The following SH3GL2 variants were observed in gnomAD, a reference collection of about 807,000 sequenced individuals.
The protein encoded by SH3GL2 is SH3 domain containing GRB2 like 2, endophilin A1, also known as endophilin-A1.
Under a neutral mutation model 46.0 loss-of-function variants are expected in SH3GL2, and 24 were observed. That is an observed-to-expected ratio of 0.52 (90% CI 0.38 to 0.73). The LOEUF (loss-of-function observed/expected upper bound fraction) is 0.73. Ranked by LOEUF, SH3GL2 falls within the 30% of genes least tolerant of loss-of-function variation. The pLI is 0.00. For synonymous variants in SH3GL2, 196 were observed against 147.1 expected, an observed-to-expected ratio of 1.33 and a Z score of -2.40; for missense variants, 413 against 424.2, an observed-to-expected ratio of 0.97 and a Z score of 0.23.
rs1472663035 is a variant in SH3GL2 at position 17,743,412 on chromosome 9, TAA to T, written c.46-3653_46-3652del. Among the ~76,000 whole-genome samples, 60 of 109,182 alleles carry T rather than the reference TAA, an allele frequency of 5.5e-4. 3 individuals are homozygous for T. In the Admixed American group the frequency reaches 6.1e-3, roughly 11 times the overall value. The allele number at this position is 109,182 out of a possible 152,430, so 71.6% of individuals were successfully genotyped here. A position where few individuals can be genotyped will look rare whatever the true frequency, so the allele number is the denominator to read the frequency against. The stretch of plus-strand genomic sequence containing the variant: ...TATAAGTGTATCAGTACATAACTGC[TAA>T]TAACATCATTCGCTATATTTGGTGA... On this transcript the variant is annotated intron_variant, in intron 1 of 8. Transcript: ENST00000380607.
chr9:17,743,811 C>T (rs1822602504), intron 1 of SH3GL2, among the ~76,000 whole-genome samples: 1 of 152,062 alleles, frequency 6.6e-6, no homozygotes, highest in South Asian at 2.1e-4. Flanking sequence ...TGATGTAGGC[C>T]CTTGTGCTTT....
intron 3 of SH3GL2, among the ~76,000 whole-genome samples, chr9:17,773,663 A>G (rs1303744910): frequency 6.6e-6 from 1 of 152,126 alleles, no homozygotes. Context: ...CCCTTGGCCT[A>G]CATGTCTGTC....
chr9:17,715,194 CTTT>C (rs554919094), intron 1 of SH3GL2, among the ~76,000 whole-genome samples: 2 of 128,930 alleles, frequency 1.6e-5, no homozygotes, highest in Admixed American at 7.7e-5. Context: ...TCTTTCTTTT[CTTT>C]TTTTTTTTTT....
At chr9:17,649,550 T>C (rs1228674043) in intron 1 of SH3GL2, among the ~76,000 whole-genome samples, 3 of 152,214 alleles carry the variant, frequency 2.0e-5, no homozygotes, top group African/African-American at 4.8e-5. Flanking sequence ...AAAAGGGCAT[T>C]GGTAAATACC....
At chr9:17,780,283 A>G (rs1823764511) in intron 3 of SH3GL2, among the ~76,000 whole-genome samples, 1 of 152,124 alleles carries the variant, frequency 6.6e-6, no homozygotes, top group Non-Finnish European at 1.5e-5. Context: ...TGTAACTGAA[A>G]TATGATCATA....
chr9:17,708,674 A>G (rs569378715), intron 1 of SH3GL2, among the ~76,000 whole-genome samples: 1 of 151,954 alleles, frequency 6.6e-6, no homozygotes, highest in Non-Finnish European at 1.5e-5. Context: ...GGCTAAGATA[A>G]TGCCTCTTGT....
chr9:17,621,263 AG>A (rs1819132231), intron 1 of SH3GL2, among the ~76,000 whole-genome samples: 1 of 152,208 alleles, frequency 6.6e-6, no homozygotes, highest in Non-Finnish European at 1.5e-5. Context: ...TTTGATATGC[AG>A]GATTATTTCT....
At chr9:17,767,399 A>G (rs1399195629) in intron 3 of SH3GL2, among the ~76,000 whole-genome samples, 1 of 152,222 alleles carries the variant, frequency 6.6e-6, no homozygotes, top group Non-Finnish European at 1.5e-5. Context: ...TTCTTTTCCC[A>G]CAGGCTGTGC....
At chr9:17,601,534 T>A (rs1303388791) in intron 1 of SH3GL2, among the ~76,000 whole-genome samples, 1 of 152,220 alleles carries the variant, frequency 6.6e-6, no homozygotes, top group East Asian at 1.9e-4. Flanking sequence ...GTGCATAATT[T>A]CCTTTTGTCC....
intron 1 of SH3GL2, among the ~76,000 whole-genome samples, chr9:17,639,287 A>C (rs1819616811): frequency 6.6e-6 from 1 of 152,218 alleles, no homozygotes; most frequent in African/African-American, 2.4e-5. Flanking sequence ...AACTGGGAGA[A>C]AATATTGTAA....
chr9:17,748,703 A>G (rs1172422180), intron 2 of SH3GL2, among the ~76,000 whole-genome samples: 1 of 152,164 alleles, frequency 6.6e-6, no homozygotes, highest in East Asian at 1.9e-4. Flanking sequence ...TCCTGAGTGC[A>G]TGAAGTTCGT....
intron 1 of SH3GL2, among the ~76,000 whole-genome samples, chr9:17,664,828 A>C (rs1178293316): frequency 6.6e-6 from 1 of 151,856 alleles, no homozygotes; most frequent in Non-Finnish European, 1.5e-5. Flanking sequence ...TAATTCACTC[A>C]ACTGTCCTAG....
rs1030049239 is a variant in SH3GL2 at position 17,658,095 on chromosome 9, T to C, written c.45+78808T>C. 5.9e-5 allele frequency among the ~76,000 whole-genome samples: 9 copies of C among 152,362 alleles called. No homozygotes were observed. In the South Asian group the frequency reaches 1.4e-3, roughly 25 times the overall value. The stretch of plus-strand genomic sequence containing the variant: ...AGCTCACACTATTTGCTGAATAGTT[T>C]GGAAATGCCTCTTTCTGGCATTCAA... On this transcript the variant is annotated intron_variant, in intron 1 of 8. Coordinates refer to ENST00000380607, the MANE Select transcript of SH3GL2 (RefSeq NM_003026.5).
At position 17,786,475 on chromosome 9, in the gene SH3GL2, A is replaced by G. The variant is rs2131185857; in HGVS notation, c.282A>G (p.Ala94=). ...PGYPQAEALL[A]EAMLKFGREL... Reference sequence around the variant, plus strand: ...ATCCTCAGGCAGAGGCGCTGCTGGCAGAGGCCATGCTCAAATTTGGAAGAG... The same window carrying G: ...ATCCTCAGGCAGAGGCGCTGCTGGCGGAGGCCATGCTCAAATTTGGAAGAG... The change falls in exon 4 of 9, where the codon GCA becomes GCG. Residue 94 remains alanine (A), a synonymous_variant. Transcript: ENST00000380607. 3 of 1,613,564 alleles carry G rather than the reference A, an allele frequency of 1.9e-6. No homozygotes were observed. Among genetic ancestry groups the G allele is most frequent in the Non-Finnish European group, 1.7e-6 (2 of 1,179,678 alleles).
At chr9:17,767,553 G>A (rs1461750950) in intron 3 of SH3GL2, among the ~76,000 whole-genome samples, 3 of 152,140 alleles carry the variant, frequency 2.0e-5, no homozygotes, top group African/African-American at 7.2e-5. Flanking sequence ...GTTTTTTCCT[G>A]GAGGACAGGA....
chr9:17,735,684 C>G (rs1250549853), intron 1 of SH3GL2: 1 of 640,088 alleles, frequency 1.6e-6, no homozygotes, highest in Non-Finnish European at 1.9e-6. Flanking sequence ...GAACCAATCC[C>G]CTGCATACAC....
At chr9:17,764,165 A>G (rs1437484733) in intron 3 of SH3GL2, among the ~76,000 whole-genome samples, 1 of 152,236 alleles carries the variant, frequency 6.6e-6, no homozygotes, top group Non-Finnish European at 1.5e-5. Context: ...TGGTTTCAGA[A>G]AAACAGTTAT....
At chr9:17,745,434 C>T (rs1822654787) in intron 1 of SH3GL2, among the ~76,000 whole-genome samples, 1 of 152,036 alleles carries the variant, frequency 6.6e-6, no homozygotes, top group African/African-American at 2.4e-5. Flanking sequence ...AATTCTTATG[C>T]CATTTAATTT....
chr9:17,720,769 A>G (rs1821875469), intron 1 of SH3GL2, among the ~76,000 whole-genome samples: 1 of 152,188 alleles, frequency 6.6e-6, no homozygotes, highest in African/African-American at 2.4e-5. Context: ...AACTTTTCAG[A>G]AAGCCTAATG....
Sources: gnomAD v4.1 joint callset for allele counts (sites outside exome capture counted in the v4.1 genomes callset) on GRCh38, gnomAD v4.1.1 for gene constraint, MANE v1.5 for transcripts, NCBI Gene and HGNC (gene_info 2026-07-23, HGNC 2026-07-21) for gene names.